The following TAF4 variants were observed in gnomAD, a reference collection of about 807,000 sequenced individuals.
TAF4 encodes TATA-box binding protein associated factor 4.
TAF4 carries 9 observed loss-of-function variants against 90.3 expected under a neutral mutation model. That is an observed-to-expected ratio of 0.10 (90% CI 0.06 to 0.17). The LOEUF (loss-of-function observed/expected upper bound fraction) is 0.17. TAF4 is among the 10% of genes least tolerant of loss of function. The probability of loss-of-function intolerance (pLI) is 1.00; values close to 1 mark genes in which losing one functional copy is unlikely to be tolerated. For missense variants in TAF4, 1,351 were observed against 1,370.7 expected (o/e 0.99, Z 0.23); for synonymous variants, 818 against 638.9 (o/e 1.28, Z -4.23).
At chr20:62,014,023 T>TGG (rs1354883504) in intron 2 of TAF4, among the ~76,000 whole-genome samples, 3,134 of 100,232 alleles carry the variant, frequency 0.031, 145 homozygotes, top group African/African-American at 0.096. Flanking sequence ...GGTGTGGGTG[T>TGG]GTGTGTGTGT....
intron 1 of TAF4, among the ~76,000 whole-genome samples, chr20:62,048,606 G>C (rs371867893): frequency 1.1e-4 from 17 of 152,118 alleles, no homozygotes; most frequent in African/African-American, 3.1e-4. Flanking sequence ...GCCCACCTCC[G>C]TCACCAGGCT....
At chr20:62,014,015 T>TGTGG (rs1163616986) in intron 2 of TAF4, among the ~76,000 whole-genome samples, 1 of 110,942 alleles carries the variant, frequency 9.0e-6, no homozygotes, top group Non-Finnish European at 1.7e-5. Context: ...GACGCGGGGG[T>TGTGG]GTGGGTGTGT....
chr20:62,013,020 G>A, intron 2 of TAF4, 86 bp from the exon 3 acceptor site: 1 of 1,555,064 alleles, frequency 6.4e-7, no homozygotes, highest in Non-Finnish European at 8.7e-7. Flanking sequence ...CCTTCCATAT[G>A]TAACTAGTAT....
chr20:62,046,621 TC>T (rs1184209344), intron 1 of TAF4, among the ~76,000 whole-genome samples: 2 of 152,236 alleles, frequency 1.3e-5, no homozygotes, highest in East Asian at 3.9e-4. Flanking sequence ...TTCGGTTCTT[TC>T]CAAATATCCT....
intron 14 of TAF4, among the ~76,000 whole-genome samples, chr20:61,995,336 G>A (rs938836978): frequency 3.9e-5 from 6 of 152,176 alleles, no homozygotes; most frequent in African/African-American, 1.4e-4. Context: ...GAACTAGATG[G>A]AAATCTTAGA....
rs533146464 is a variant in TAF4 at position 61,980,141 on chromosome 20, C to T, written c.3091-3806G>A. ...GCAGGTCCCCACCTCTGACGCATGG[C>T]GCTGCAGACAGCCCTCGCCCCATCA... On this transcript the variant is annotated intron_variant, in intron 14 of 14. Transcript: ENST00000252996. 3.7e-4 allele frequency: 56 copies of T among 152,506 alleles called. No individual in the cohort carries two copies. The South Asian group carries it at 0.011, about 31-fold the overall frequency. 9.4% of individuals were successfully genotyped at this position (152,506 alleles called of 1,614,324 possible).
At chr20:62,011,756 A>T (rs1382022523) in intron 3 of TAF4, among the ~76,000 whole-genome samples, 1 of 152,226 alleles carries the variant, frequency 6.6e-6, no homozygotes, top group Non-Finnish European at 1.5e-5. Flanking sequence ...CACTGAGGCA[A>T]GGACTCTGGA....
intron 1 of TAF4, among the ~76,000 whole-genome samples, chr20:62,048,956 G>A (rs2145510725): frequency 7.6e-6 from 1 of 131,848 alleles, no homozygotes; most frequent in South Asian, 2.5e-4. Flanking sequence ...CTCCCTGCAT[G>A]CCCACCTCGG....
At position 62,006,497 on chromosome 20, in the gene TAF4, G is replaced by A. The variant is rs371226254; in HGVS notation, c.2223+13C>T. On this transcript the variant is annotated intron_variant, in intron 7 of 14. Transcript: ENST00000252996. This position sits in a 1 kb window ranked among gnomAD's most constrained non-coding sequence, Gnocchi z 7.0. ...GGTGGGCTGTGCAGACCAGTCAGGCGCCCCTTCCATACCAGCGGTGTGGGT... is the reference window on the plus strand; with the variant it reads ...GGTGGGCTGTGCAGACCAGTCAGGCACCCCTTCCATACCAGCGGTGTGGGT... 18 of 1,495,250 alleles carry A rather than the reference G, an allele frequency of 1.2e-5. No homozygotes were observed. The East Asian group carries it at 1.5e-4, about 12-fold the overall frequency. 92.6% of individuals were successfully genotyped at this position (1,495,250 alleles called of 1,614,324 possible). A position where few individuals can be genotyped will look rare whatever the true frequency, so the allele number is the denominator to read the frequency against.
chr20:62,033,419 G>C lies in TAF4; in HGVS notation c.1361-18712C>G, dbSNP rs181399459. On this transcript the variant is annotated intron_variant, in intron 1 of 14. Transcript: ENST00000252996. ...ACAAATATCCCCTGCCCCAAGAAAA[G>C]CAAACAGAAAGCAACTTCAGAAAAT... Among the ~76,000 whole-genome samples, 205 of 152,300 alleles carry C rather than the reference G, an allele frequency of 1.3e-3. 1 individual carries two copies. The highest frequency in any genetic ancestry group is 4.6e-3 in the African/African-American group (193 of 41,578).
At chr20:61,982,687 G>A (rs1415700426) in intron 14 of TAF4, among the ~76,000 whole-genome samples, 1 of 145,960 alleles carries the variant, frequency 6.9e-6, no homozygotes, top group Non-Finnish European at 1.5e-5. Context: ...CACCTGAGAG[G>A]AGACACCAAA....
intron 14 of TAF4, among the ~76,000 whole-genome samples, chr20:61,988,168 A>T (rs898871540): frequency 6.6e-6 from 1 of 152,168 alleles, no homozygotes; most frequent in Non-Finnish European, 1.5e-5. Flanking sequence ...AACCCACAGA[A>T]TGTACACACC....
chr20:62,039,375 G>A (rs1367283099), intron 1 of TAF4, among the ~76,000 whole-genome samples: 1 of 152,178 alleles, frequency 6.6e-6, no homozygotes, highest in Admixed American at 6.5e-5. Context: ...CATAAGGCTG[G>A]CATGATTGGT....
intron 14 of TAF4, among the ~76,000 whole-genome samples, chr20:61,991,723 G>A (rs57456055): frequency 6.6e-6 from 1 of 152,078 alleles, no homozygotes; most frequent in Non-Finnish European, 1.5e-5. Context: ...AGAAACAAAA[G>A]AACAGAACAA....
chr20:62,052,780 A>G (rs1267467797), intron 1 of TAF4, among the ~76,000 whole-genome samples: 2 of 25,358 alleles, frequency 7.9e-5, no homozygotes, highest in Non-Finnish European at 1.5e-4. Context: ...AGCCACCCCC[A>G]CAACACCAGG....
chr20:62,065,108 CG>C lies in TAF4; in HGVS notation c.702del (p.Gly235AlafsTer174). ...ALLPLPKPAA[P>X]GTVIQTPPFV... ...AAGGGGGGCGTCTGGATGACAGTGC[CG>C]GGGGCGGCGGGCTTGGGCAGCGGCA... On this transcript the variant is annotated frameshift_variant, in exon 1 of 15. Coordinates refer to ENST00000252996, the MANE Select transcript of TAF4 (RefSeq NM_003185.4). LOFTEE classifies it high-confidence loss of function. 6 of 1,097,126 alleles carry C rather than the reference CG, an allele frequency of 5.5e-6. No homozygotes were observed. The highest frequency in any genetic ancestry group is 3.8e-5 in the Admixed American group (1 of 26,190). The allele number at this position is 1,097,126 out of a possible 1,614,324, so 68.0% of individuals were successfully genotyped here.
chr20:62,029,883 T>A (rs1299003098), intron 1 of TAF4, among the ~76,000 whole-genome samples: 2 of 151,892 alleles, frequency 1.3e-5, no homozygotes, highest in Non-Finnish European at 2.9e-5. Flanking sequence ...TCCAGCCTGG[T>A]GACACGGCAA....
chr20:62,019,250 T>A (rs1326097745), intron 1 of TAF4, among the ~76,000 whole-genome samples: 1 of 152,156 alleles, frequency 6.6e-6, no homozygotes, highest in East Asian at 1.9e-4. Context: ...CAGGTGCCAC[T>A]CAGTGTGCAC....
chr20:61,998,058 T>C (rs2055674622), intron 13 of TAF4, 78 bp downstream of exon 13: 1 of 1,409,926 alleles, frequency 7.1e-7, no homozygotes, highest in East Asian at 2.3e-5. Flanking sequence ...AGTGCCACGG[T>C]TTCCTTAGCC....
Sources: gnomAD v4.1 joint callset for allele counts (sites outside exome capture counted in the v4.1 genomes callset) on GRCh38, gnomAD v4.1.1 for gene constraint, Gnocchi (gnomAD v3.1) non-coding constraint, MANE v1.5 for transcripts, NCBI Gene and HGNC (gene_info 2026-07-23, HGNC 2026-07-21) for gene names.